The following FGD5 variants were observed in gnomAD, a reference collection of about 807,000 sequenced individuals.
FGD5 encodes FYVE, RhoGEF and PH domain containing 5.
FGD5 carries 28 observed loss-of-function variants against 133.4 expected under a neutral mutation model. That is an observed-to-expected ratio of 0.21 (90% CI 0.16 to 0.29). FGD5 has a LOEUF of 0.29. Among genes scored for constraint, FGD5 ranks in the 10% least tolerant of loss-of-function variants. The pLI is 1.00. For synonymous variants in FGD5, 810 were observed against 776.5 expected (o/e 1.04, Z -0.72); for missense variants, 1,858 against 1,895.2 (o/e 0.98, Z 0.36).
intron 1 of FGD5, among the ~76,000 whole-genome samples, chr3:14,846,742 G>T (rs1044829835): frequency 2.0e-5 from 3 of 152,202 alleles, no homozygotes; most frequent in Admixed American, 6.5e-5. Flanking sequence ...TGTAACTGTG[G>T]GACGCAGGCA....
chr3:14,880,959 G>A (rs979351856), intron 4 of FGD5, among the ~76,000 whole-genome samples, 187 bp downstream of exon 4: 2 of 152,204 alleles, frequency 1.3e-5, no homozygotes, highest in African/African-American at 4.8e-5. Flanking sequence ...GGCAGACAGC[G>A]GATGCGTCTC....
intron 2 of FGD5, among the ~76,000 whole-genome samples, chr3:14,865,192 G>T (rs972328997): frequency 2.2e-5 from 3 of 135,914 alleles, no homozygotes; most frequent in Admixed American, 8.5e-5. Context: ...CGCCCCCTTC[G>T]CCCGCTTCCC....
chr3:14,902,840 G>A (rs1246407764), intron 9 of FGD5, among the ~76,000 whole-genome samples: 3 of 152,218 alleles, frequency 2.0e-5, no homozygotes, highest in African/African-American at 7.2e-5. Flanking sequence ...AGGTCAGGCA[G>A]GGATACATCT....
intron 11 of FGD5, among the ~76,000 whole-genome samples, chr3:14,911,701 C>T (rs1177548398): frequency 6.6e-6 from 1 of 150,634 alleles, no homozygotes; most frequent in East Asian, 1.9e-4. Flanking sequence ...GTCTTGCCCT[C>T]AGCCTTCAGA....
intron 13 of FGD5, among the ~76,000 whole-genome samples, chr3:14,919,453 C>A (rs2038629113): frequency 6.6e-6 from 1 of 152,066 alleles, no homozygotes; most frequent in African/African-American, 2.4e-5. Flanking sequence ...CCCGTCTCTA[C>A]TAAAAATACA....
In FGD5 at chr3:14,897,962, A is replaced by T; in HGVS notation, c.2933A>T (p.Asp978Val). Residue 978 changes from aspartate to valine, a missense_variant, in exon 6 of 20, where the codon GAC becomes GTC. Asp to Val is a radical substitution (Grantham distance 152). Transcript: ENST00000285046. ...SNWESQQKVA[D>V]VFLAREQGFD... ...AGGGAGAGCCAGCAGAAGGTAGCTG[A>T]CGTCTTCCTGGCCCGGGAGCAGGGG... is the stretch of plus-strand genomic sequence containing the variant. 1 of 1,613,718 alleles carries T rather than the reference A, an allele frequency of 6.2e-7. No homozygotes were observed. Among genetic ancestry groups the T allele is most frequent in the Non-Finnish European group, 8.5e-7 (1 of 1,179,830 alleles).
chr3:14,830,121 C>G (rs1313798958), intron 1 of FGD5, among the ~76,000 whole-genome samples: 2 of 152,158 alleles, frequency 1.3e-5, no homozygotes, highest in African/African-American at 4.8e-5. Flanking sequence ...TTATATCTGC[C>G]TGTAAGCCAG....
At chr3:14,910,799 A>C in intron 10 of FGD5, 62 bp from the exon 11 acceptor site, 1 of 1,505,894 alleles carries the variant, frequency 6.6e-7, no homozygotes, top group Non-Finnish European at 9.1e-7. Flanking sequence ...CCTCCCCTGC[A>C]CCCTTGTCTG....
intron 2 of FGD5, among the ~76,000 whole-genome samples, chr3:14,869,149 C>G (rs2037556505): frequency 6.6e-6 from 1 of 151,960 alleles, no homozygotes; most frequent in Non-Finnish European, 1.5e-5. Flanking sequence ...AAAAAATTAT[C>G]TGGGTGTGGT....
At chr3:14,845,400 A>C (rs1429560632) in intron 1 of FGD5, among the ~76,000 whole-genome samples, 1 of 152,224 alleles carries the variant, frequency 6.6e-6, no homozygotes, top group Non-Finnish European at 1.5e-5. Context: ...TCCCCTTCCC[A>C]GATGCTTCAG....
chr3:14,904,657 A>G (rs1324513825), intron 9 of FGD5, among the ~76,000 whole-genome samples: 1 of 152,184 alleles, frequency 6.6e-6, no homozygotes, highest in Non-Finnish European at 1.5e-5. Flanking sequence ...TAATAATACT[A>G]ACAGCCAAGA....
At chr3:14,914,712 C>T (rs891905218) in intron 11 of FGD5, among the ~76,000 whole-genome samples, 2 of 152,228 alleles carry the variant, frequency 1.3e-5, no homozygotes, top group African/African-American at 4.8e-5. Flanking sequence ...CTCATCAAGC[C>T]ATACCCCTGG....
chr3:14,820,976 A>C lies in FGD5; in HGVS notation c.1905A>C (p.Ser635=), dbSNP rs750445016. The change falls in exon 1 of 20, where the codon TCA becomes TCC. Residue 635 remains serine (S), a synonymous_variant. Transcript: ENST00000285046. ...AGCCCATCACAAAGAGCTCTCCCTC[A>C]CTCCTGATCGAGAGCGACTCCCCGG... ...TKKPITKSSP[S]LLIESDSPDK... The C allele has an allele frequency of 6.2e-7, 1 of 1,613,366 alleles. No individual in the cohort carries two copies. The highest frequency in any genetic ancestry group is 1.7e-5 in the Admixed American group (1 of 59,950).
At chr3:14,837,536 A>G (rs908570161) in intron 1 of FGD5, among the ~76,000 whole-genome samples, 3 of 152,146 alleles carry the variant, frequency 2.0e-5, no homozygotes, top group Non-Finnish European at 4.4e-5. Context: ...GCTTTTCAGA[A>G]TCCTGCATCT....
At chr3:14,845,905 G>A (rs578098697) in intron 1 of FGD5, among the ~76,000 whole-genome samples, 162 of 152,324 alleles carry the variant, frequency 1.1e-3, no homozygotes, top group African/African-American at 3.6e-3. Context: ...GAAGTTGGGG[G>A]ACAGGTGGCC....
intron 11 of FGD5, among the ~76,000 whole-genome samples, chr3:14,916,683 C>T (rs564691314): frequency 6.6e-6 from 1 of 152,226 alleles, no homozygotes; most frequent in Non-Finnish European, 1.5e-5. Context: ...CAGAAAGTTC[C>T]TCTGTGCCCG....
intron 4 of FGD5, among the ~76,000 whole-genome samples, chr3:14,881,125 C>CTG (rs1235062021): frequency 4.0e-5 from 6 of 151,842 alleles, no homozygotes; most frequent in Admixed American, 6.6e-5. Flanking sequence ...GTTTGTGCAC[C>CTG]TGTGTGTGTG....
chr3:14,864,581 T>C (rs2037458748), intron 2 of FGD5, among the ~76,000 whole-genome samples: 1 of 152,192 alleles, frequency 6.6e-6, no homozygotes, highest in Admixed American at 6.5e-5. Flanking sequence ...TCTAATGACC[T>C]TGGACACCCT....
intron 1 of FGD5, among the ~76,000 whole-genome samples, chr3:14,813,771 C>T (rs908646167): frequency 6.7e-6 from 1 of 148,618 alleles, no homozygotes; most frequent in African/African-American, 2.6e-5. Context: ...GCTCCTGGCT[C>T]CCCATCCAGT....
Sources: gnomAD v4.1 joint callset for allele counts (sites outside exome capture counted in the v4.1 genomes callset) on GRCh38, gnomAD v4.1.1 for gene constraint, MANE v1.5 for transcripts, NCBI Gene and HGNC (gene_info 2026-07-23, HGNC 2026-07-21) for gene names.